Variants in TSHR observed in about 807,000 individuals in gnomAD.
TSHR encodes the protein thyroid stimulating hormone receptor.
Under a neutral mutation model 64.1 loss-of-function variants are expected in TSHR, and 51 were observed. The ratio of observed to expected loss-of-function variants is 0.80; its 90% confidence interval spans 0.64 to 1.01. The LOEUF (loss-of-function observed/expected upper bound fraction) is 1.01, where lower values mean the gene tolerates loss of function less well. Ranked by LOEUF, TSHR falls within the 50% of genes least tolerant of loss-of-function variation. TSHR has a pLI of 0.00. For synonymous variants in TSHR, 361 were observed against 361.9 expected, an observed-to-expected ratio of 1.00 and a Z score of 0.03; for missense variants, 877 against 942.8, an observed-to-expected ratio of 0.93 and a Z score of 0.91.
intron 7 of TSHR, among the ~76,000 whole-genome samples, chr14:81,101,456 A>G (rs1035787405): frequency 2.6e-5 from 4 of 152,246 alleles, no homozygotes; most frequent in African/African-American, 9.6e-5. Flanking sequence ...GAGTTTCTAT[A>G]GCATATTTCT....
At chr14:81,081,278 G>GTATA (rs962050723) in intron 3 of TSHR, among the ~76,000 whole-genome samples, 2 of 151,642 alleles carry the variant, frequency 1.3e-5, no homozygotes, top group African/African-American at 2.4e-5. Context: ...ATGTATGTAT[G>GTATA]TATATATATA....
At chr14:81,008,021 A>G (rs573288617) in intron 1 of TSHR, among the ~76,000 whole-genome samples, 3 of 152,274 alleles carry the variant, frequency 2.0e-5, no homozygotes, top group African/African-American at 7.2e-5. Flanking sequence ...CAATTCTGAA[A>G]ACTTGTGGAG....
intron 1 of TSHR, among the ~76,000 whole-genome samples, chr14:80,989,319 A>G (rs908326007): frequency 5.3e-5 from 8 of 152,036 alleles, no homozygotes; most frequent in Non-Finnish European, 1.0e-4. Flanking sequence ...CTTTATTTCT[A>G]TGTTCTCGGC....
intron 1 of TSHR, among the ~76,000 whole-genome samples, chr14:80,968,938 A>T (rs1005918832): frequency 9.8e-5 from 15 of 152,318 alleles, no homozygotes; most frequent in Admixed American, 2.0e-4. Context: ...AGGAAGAAGT[A>T]ATCTTTCTCC....
At chr14:81,059,897 G>A (rs926839588) in intron 1 of TSHR, among the ~76,000 whole-genome samples, 11 of 152,246 alleles carry the variant, frequency 7.2e-5, no homozygotes, top group Admixed American at 2.6e-4. Context: ...CTGTATGTGT[G>A]TAAAAGAGAG....
intron 1 of TSHR, among the ~76,000 whole-genome samples, chr14:81,005,185 G>T (rs1399306736): frequency 6.6e-6 from 1 of 150,986 alleles, no homozygotes; most frequent in Non-Finnish European, 1.5e-5. Context: ...CTCATGAAGG[G>T]GACTCAAGCC....
chr14:81,074,199 A>G (rs1050855148), intron 3 of TSHR, among the ~76,000 whole-genome samples: 1 of 152,190 alleles, frequency 6.6e-6, no homozygotes, highest in African/African-American at 2.4e-5. Flanking sequence ...TTGCTTATAT[A>G]CTTGAGATAT....
Position 81,096,629 on chromosome 14 carries a change from TTGGTTGTAGGAAGC to T in TSHR, c.546-7_552del. Reference sequence around the variant, plus strand: ...CAGTCACTGATTTCTCTTCTCTCTGTTGGTTGTAGGAAGCTGTACAACAATGGCTTTACTTCAGT... The same window carrying T: ...CAGTCACTGATTTCTCTTCTCTCTGTTGTACAACAATGGCTTTACTTCAGT... On this transcript the variant is annotated splice_acceptor_variant and splice_polypyrimidine_tract_variant and coding_sequence_variant and intron_variant, in exon 7 of 10. Transcript: ENST00000298171. LOFTEE classifies it high-confidence loss of function. 2 of 1,613,174 alleles carry T rather than the reference TTGGTTGTAGGAAGC, an allele frequency of 1.2e-6. No individual in the cohort carries two copies. Among genetic ancestry groups the T allele is most frequent in the Non-Finnish European group, 1.7e-6 (2 of 1,179,300 alleles).
intron 1 of TSHR, among the ~76,000 whole-genome samples, chr14:81,006,144 T>TA (rs1256649922): frequency 6.6e-6 from 1 of 152,216 alleles, no homozygotes; most frequent in African/African-American, 2.4e-5. Context: ...TTTTAGGTTT[T>TA]AAAAAAAGTT....
chr14:81,059,393 C>G (rs1239244193), intron 1 of TSHR, among the ~76,000 whole-genome samples: 1 of 152,046 alleles, frequency 6.6e-6, no homozygotes, highest in Non-Finnish European at 1.5e-5. Context: ...TACCAAAAGT[C>G]AACAAAATTT....
Position 81,127,898 on chromosome 14 carries a change from A to T in TSHR, c.693-11781A>T, listed in dbSNP as rs113095837. ...CTTTATAAATTACCCAGTCTCTGGT[A>T]TGTCTTTATCAGCAGTGTGAAAATG... On this transcript the variant is annotated intron_variant, in intron 8 of 9. Transcript: ENST00000298171. 3.6e-3 allele frequency among the ~76,000 whole-genome samples: 553 copies of T among 152,304 alleles called. 3 individuals are homozygous for T. The highest frequency in any genetic ancestry group is 0.012 in the African/African-American group (516 of 41,564).
intron 5 of TSHR, 144 bp downstream of exon 5, chr14:81,091,287 A>C: frequency 2.6e-6 from 2 of 770,390 alleles, no homozygotes; most frequent in South Asian, 1.5e-5. Context: ...CACTGGCATG[A>C]AGTAAGGCAA....
chr14:81,125,674 G>A (rs1478824422), intron 8 of TSHR, among the ~76,000 whole-genome samples: 1 of 152,064 alleles, frequency 6.6e-6, no homozygotes, highest in African/African-American at 2.4e-5. Context: ...CTCCCTTGGA[G>A]AAGGGAACCT....
At chr14:81,140,027 C>A (rs555807851) in intron 9 of TSHR, among the ~76,000 whole-genome samples, 160 bp downstream of exon 9, 35 of 152,252 alleles carry the variant, frequency 2.3e-4, no homozygotes, top group African/African-American at 7.7e-4. Flanking sequence ...AGTGACCCTG[C>A]GGACCCAAAG....
chr14:80,968,373 CCTTA>C (rs1490288067), intron 1 of TSHR, among the ~76,000 whole-genome samples: 2 of 150,124 alleles, frequency 1.3e-5, no homozygotes, highest in African/African-American at 5.0e-5. Context: ...AATGAGATGT[CCTTA>C]CTTTTTTTTT....
chr14:81,056,928 C>T (rs1172890511), intron 1 of TSHR, among the ~76,000 whole-genome samples: 1 of 152,152 alleles, frequency 6.6e-6, no homozygotes, highest in Non-Finnish European at 1.5e-5. Flanking sequence ...ATACAAAACA[C>T]AAGAGAATGA....
intron 8 of TSHR, among the ~76,000 whole-genome samples, chr14:81,112,991 T>G (rs74587938): frequency 0.11 from 16,027 of 152,176 alleles, 1,523 homozygotes; most frequent in African/African-American, 0.25. Flanking sequence ...GTCTTTTGAT[T>G]TGCTCTTTAG....
Position 81,093,347 on chromosome 14 carries a change from G to T in TSHR, c.545+739G>T, listed in dbSNP as rs552387938. On this transcript the variant is annotated intron_variant, in intron 6 of 9. Coordinates refer to ENST00000298171, the MANE Select transcript of TSHR (RefSeq NM_000369.5). ...TTCTAAAGGAGAAGATCTAATAGAG[G>T]TATAAAGGATAAGTTAATTCTCCAA... Among the ~76,000 whole-genome samples, 6 of 152,312 alleles carry T rather than the reference G, an allele frequency of 3.9e-5. No homozygotes were observed. In the South Asian group the frequency reaches 1.2e-3, roughly 32 times the overall value.
Position 81,030,211 on chromosome 14 carries a change from A to G in TSHR, c.171-31937A>G, listed in dbSNP as rs932792198. On this transcript the variant is annotated intron_variant, in intron 1 of 9. Coordinates refer to ENST00000298171, the MANE Select transcript of TSHR (RefSeq NM_000369.5). ...TAGGGAAAACAAAGAAGTCACTTTC[A>G]CAAAGAACTTTCAATTGCCTGCTCT... Among the ~76,000 whole-genome samples the G allele has an allele frequency of 4.6e-5, 7 of 152,220 alleles. No individual in the cohort carries two copies. The South Asian group carries it at 1.0e-3, about 23-fold the overall frequency.
Sources: gnomAD v4.1 joint callset for allele counts (sites outside exome capture counted in the v4.1 genomes callset) on GRCh38, gnomAD v4.1.1 for gene constraint, MANE v1.5 for transcripts, NCBI Gene and HGNC (gene_info 2026-07-23, HGNC 2026-07-21) for gene names.